The following EIF3E variants were observed in gnomAD, a reference collection of about 807,000 sequenced individuals.
The protein encoded by EIF3E is eIF-3 p48.
A neutral mutation model predicts 59.3 loss-of-function variants in EIF3E; 25 were observed. That is an observed-to-expected ratio of 0.42 (90% CI 0.31 to 0.59). The LOEUF (loss-of-function observed/expected upper bound fraction) is 0.59. Ranked by LOEUF, EIF3E falls within the 20% of genes least tolerant of loss-of-function variation. The probability of loss-of-function intolerance (pLI) is 0.15; values close to 1 mark genes in which losing one functional copy is unlikely to be tolerated. For missense variants in EIF3E, 317 were observed against 534.3 expected, an observed-to-expected ratio of 0.59 and a Z score of 4.01; for synonymous variants, 176 against 170.2, an observed-to-expected ratio of 1.03 and a Z score of -0.26.
chr8:108,203,171 A>C (rs1815026323), intron 11 of EIF3E, 54 bp from the exon 12 acceptor site: 1 of 1,582,936 alleles, frequency 6.3e-7, no homozygotes, highest in Admixed American at 1.8e-5. Flanking sequence ...TGAGTTTCTC[A>C]GGTAAGTAAA....
Position 108,201,714 on chromosome 8 carries a change from T to A in EIF3E, c.*171A>T. ...AAAAGAAAGTTAAAAAAACACAAAC[T>A]TGCACATGCAAGAAAACTGACAGCA... is the stretch of plus-strand genomic sequence containing the variant. On this transcript the variant is annotated 3_prime_UTR_variant, in exon 13 of 13. Transcript: ENST00000220849. 1 of 583,284 alleles carries A rather than the reference T, an allele frequency of 1.7e-6. No individual in the cohort carries two copies. Among genetic ancestry groups the A allele is most frequent in the Non-Finnish European group, 2.7e-6 (1 of 371,014 alleles). The allele number at this position is 583,284 out of a possible 1,614,324, so 36.1% of individuals were successfully genotyped here.
At chr8:108,218,782 C>CTTTTTTTTT in intron 7 of EIF3E, among the ~76,000 whole-genome samples, 1 of 111,162 alleles carries the variant, frequency 9.0e-6, no homozygotes. Flanking sequence ...TATTTTATTT[C>CTTTTTTTTT]TTTTTTTTTT....
In EIF3E at chr8:108,235,074, T is replaced by C. The variant is rs772758556; in HGVS notation, c.395A>G (p.Tyr132Cys). Residue 132 changes from tyrosine (Y) to cysteine (C), a missense_variant, in exon 5 of 13, where the codon TAC (tyrosine) becomes TGC (cysteine). Coordinates refer to ENST00000220849, the MANE Select transcript of EIF3E (RefSeq NM_001568.3). ...TTCGTACTGGAATTTTGCATATCTG[T>C]AGAGTGTATCTAAATATTCCTGCCT... ...GFRQEYLDTLYRYAKFQYECG... is the reference protein window; with the variant it reads ...GFRQEYLDTLCRYAKFQYECG... 52 of 1,577,818 alleles carry C rather than the reference T, an allele frequency of 3.3e-5. No individual in the cohort carries two copies. Among genetic ancestry groups the C allele is most frequent in the Non-Finnish European group, 4.3e-5 (50 of 1,167,614 alleles).
chr8:108,228,150 A>AG, intron 7 of EIF3E, 117 bp downstream of exon 7: 1 of 868,322 alleles, frequency 1.2e-6, no homozygotes, highest in Non-Finnish European at 1.6e-6. Flanking sequence ...CTACATGAAG[A>AG]AAAAAAAAAA....
At chr8:108,206,808 A>T (rs1815111836) in intron 10 of EIF3E, among the ~76,000 whole-genome samples, 1 of 151,650 alleles carries the variant, frequency 6.6e-6, no homozygotes, top group Non-Finnish European at 1.5e-5. Context: ...GTGTCTTTAT[A>T]AAAAAAAATT....
chr8:108,226,196 T>G (rs971850429), intron 7 of EIF3E: 2 of 149,738 alleles, frequency 1.3e-5, no homozygotes, highest in Admixed American at 1.3e-4. Flanking sequence ...TAATTCTTTT[T>G]TTTTTTTTTT....
Position 108,201,320 on chromosome 8 carries a change from A to C in EIF3E, c.*565T>G, listed in dbSNP as rs1362380052. 6.7e-6 allele frequency: 1 copy of C among 148,738 alleles called. No homozygotes were observed. 9.2% of individuals were successfully genotyped at this position (148,738 alleles called of 1,614,324 possible). A position where few individuals can be genotyped will look rare whatever the true frequency, so the allele number is the denominator to read the frequency against. ...AGCATTGTGATGAATGAAAAAAGCT[A>C]ATCTCAAAGGTTGTGTATTATGTAA... On this transcript the variant is annotated 3_prime_UTR_variant, in exon 13 of 13. Transcript: ENST00000220849.
chr8:108,206,623 T>C lies in EIF3E; in HGVS notation c.1062-3120A>G, dbSNP rs564329531. On this transcript the variant is annotated intron_variant, in intron 10 of 12. Transcript: ENST00000220849. ...ACACACACACACACACACACTGGCA[T>C]GGTCGCACAGACACACACACACATA... Among the ~76,000 whole-genome samples, 63 of 136,702 alleles carry C rather than the reference T, an allele frequency of 4.6e-4. No homozygotes were observed. The East Asian group carries it at 0.012, about 25-fold the overall frequency. 89.7% of individuals were successfully genotyped at this position (136,702 alleles called of 152,430 possible). A position where few individuals can be genotyped will look rare whatever the true frequency, so the allele number is the denominator to read the frequency against.
At chr8:108,242,456 C>G in intron 1 of EIF3E, 1 of 1,285,232 alleles carries the variant, frequency 7.8e-7, no homozygotes, top group Non-Finnish European at 1.0e-6. Flanking sequence ...TACATATACA[C>G]AAACTCACAA....
At chr8:108,205,489 A>C (rs1815082919) in intron 10 of EIF3E, among the ~76,000 whole-genome samples, 1 of 152,232 alleles carries the variant, frequency 6.6e-6, no homozygotes, top group African/African-American at 2.4e-5. Flanking sequence ...CAACTACAGT[A>C]GTTCCCACTT....
intron 2 of EIF3E, among the ~76,000 whole-genome samples, chr8:108,240,858 T>C (rs991562459): frequency 8.5e-5 from 13 of 152,060 alleles, no homozygotes; most frequent in Admixed American, 8.5e-4. Context: ...TGGGCACCTG[T>C]AGTCCCAGCT....
Position 108,241,864 on chromosome 8 carries a change from T to G in EIF3E, c.140A>C (p.Asp47Ala), listed in dbSNP as rs1815842407. 1.2e-6 allele frequency: 2 copies of G among 1,602,078 alleles called. No individual in the cohort carries two copies. The highest frequency in any genetic ancestry group is 2.0e-4 in the Middle Eastern group (1 of 4,986). ...LLQGKLDLLS[D>A]TNMVDFAMDV... ...CATAGCAAAGTCTACCATGTTGGTA[T>G]CACTAAGAAGGTCCAATTTACCTTG... Residue 47 changes from aspartate to alanine, a missense_variant, in exon 2 of 13, where the codon GAT (aspartate) becomes GCT (alanine). Transcript: ENST00000220849.
intron 7 of EIF3E, among the ~76,000 whole-genome samples, chr8:108,219,925 T>C (rs910994717): frequency 3.3e-5 from 5 of 152,042 alleles, no homozygotes; most frequent in Admixed American, 6.6e-5. Context: ...GGTGGATCAC[T>C]TGAGGTCAGG....
chr8:108,232,950 A>C (rs1468465662), intron 5 of EIF3E, among the ~76,000 whole-genome samples: 1 of 152,238 alleles, frequency 6.6e-6, no homozygotes, highest in East Asian at 1.9e-4. Context: ...AACAAATGAT[A>C]TAAATAACCA....
chr8:108,239,158 G>C (rs767014351), intron 3 of EIF3E, among the ~76,000 whole-genome samples: 5 of 152,084 alleles, frequency 3.3e-5, no homozygotes, highest in Admixed American at 1.3e-4. Flanking sequence ...TAAGGTTCTA[G>C]GTATTGCCCA....
intron 5 of EIF3E, 158 bp from the exon 6 acceptor site, chr8:108,229,353 G>C: frequency 1.6e-6 from 1 of 639,506 alleles, no homozygotes; most frequent in Non-Finnish European, 2.4e-6. Flanking sequence ...ACACTGGTTT[G>C]TTTCAAAAAA....
rs11326241 is a variant in EIF3E, at chr8:108,226,191, CTTT to C, written c.722+2073_722+2075del. ...GCAAAGAAAATTACATTCAATAATT[CTTT>C]TTTTTTTTTTTTTTTTGAGACGGAG... On this transcript the variant is annotated intron_variant, in intron 7 of 12. Coordinates refer to ENST00000220849, the MANE Select transcript of EIF3E (RefSeq NM_001568.3). 3.5e-3 allele frequency: 447 copies of C among 126,288 alleles called. 1 individual carries two copies. Among genetic ancestry groups the C allele is most frequent in the African/African-American group, 7.5e-3 (248 of 33,010 alleles). The allele number at this position is 126,288 out of a possible 1,614,324, so 7.8% of individuals were successfully genotyped here.
intron 10 of EIF3E, among the ~76,000 whole-genome samples, chr8:108,204,559 T>C (rs1267718404): frequency 6.6e-6 from 1 of 151,778 alleles, no homozygotes; most frequent in East Asian, 1.9e-4. Context: ...ACACCACGTG[T>C]ACTCCAAAAG....
chr8:108,210,843 G>A lies in EIF3E; in HGVS notation c.1061+3764C>T, dbSNP rs1197374667. ...TTCCCACCTATGAGTGAGAACATGC[G>A]GTGTTTGGTTTTCTGTCCTTGTGAT... On this transcript the variant is annotated intron_variant, in intron 10 of 12. Coordinates refer to ENST00000220849, the MANE Select transcript of EIF3E (RefSeq NM_001568.3). Among the ~76,000 whole-genome samples, 20 of 151,928 alleles carry A rather than the reference G, an allele frequency of 1.3e-4. No individual in the cohort carries two copies. The East Asian group carries it at 1.7e-3, about 13-fold the overall frequency.
Sources: gnomAD v4.1 joint callset for allele counts (sites outside exome capture counted in the v4.1 genomes callset) on GRCh38, gnomAD v4.1.1 for gene constraint, MANE v1.5 for transcripts, NCBI Gene and HGNC (gene_info 2026-07-23, HGNC 2026-07-21) for gene names.